TFDP2: variants seen among roughly 807,000 people sequenced by gnomAD.
TFDP2 encodes transcription factor Dp-2, also known as transcription factor Dp-2 (E2F dimerization partner 2).
TFDP2 carries 17 observed loss-of-function variants against 59.3 expected under a neutral mutation model. That is an observed-to-expected ratio of 0.29 (90% CI 0.20 to 0.43). TFDP2 has a LOEUF of 0.43. TFDP2 is among the 20% of genes least tolerant of loss of function. The probability of loss-of-function intolerance (pLI) is 1.00; values close to 1 mark genes in which losing one functional copy is unlikely to be tolerated. For synonymous variants in TFDP2, 180 were observed against 194.7 expected, an observed-to-expected ratio of 0.92 and a Z score of 0.63; for missense variants, 391 against 528.8, an observed-to-expected ratio of 0.74 and a Z score of 2.56.
chr3:142,095,505 CA>C (rs913848057), intron 2 of TFDP2, among the ~76,000 whole-genome samples: 56 of 152,292 alleles, frequency 3.7e-4, no homozygotes, highest in African/African-American at 1.3e-3. Context: ...AATCTATCAT[CA>C]TCAAATTTTT....
At chr3:141,989,929 G>A (rs988468720) in intron 6 of TFDP2, among the ~76,000 whole-genome samples, 6 of 150,474 alleles carry the variant, frequency 4.0e-5, no homozygotes, top group Non-Finnish European at 7.4e-5. Flanking sequence ...AGTCTCCCTC[G>A]GTCACCGGGG....
intron 6 of TFDP2, among the ~76,000 whole-genome samples, chr3:141,984,890 C>T (rs921349681): frequency 5.9e-5 from 9 of 152,134 alleles, no homozygotes; most frequent in Non-Finnish European, 1.3e-4. Context: ...CTGAGCAAAA[C>T]TAATACAAAC....
chr3:141,991,800 T>C (rs991753954), intron 6 of TFDP2, among the ~76,000 whole-genome samples: 2 of 151,830 alleles, frequency 1.3e-5, no homozygotes, highest in Non-Finnish European at 2.9e-5. Context: ...CCCAGCAATT[T>C]GGGAGGCCAA....
chr3:141,975,652 C>T (rs1410016633), intron 7 of TFDP2, among the ~76,000 whole-genome samples: 1 of 149,908 alleles, frequency 6.7e-6, no homozygotes, highest in Non-Finnish European at 1.5e-5. Context: ...CAAGATTGAG[C>T]CACTGCACTC....
At chr3:142,016,362 G>A (rs996692948) in intron 3 of TFDP2, among the ~76,000 whole-genome samples, 7 of 146,312 alleles carry the variant, frequency 4.8e-5, no homozygotes, top group African/African-American at 7.7e-5. Context: ...GCAGTGGTGC[G>A]ATCTCAGCTC....
intron 2 of TFDP2, among the ~76,000 whole-genome samples, chr3:142,098,006 T>G (rs2061215797): frequency 6.6e-6 from 1 of 152,290 alleles, no homozygotes; most frequent in Non-Finnish European, 1.5e-5. Context: ...TTGGCCAGGC[T>G]GGTCTCGAAC....
chr3:141,973,007 T>TATA (rs1366580588), intron 8 of TFDP2, among the ~76,000 whole-genome samples: 1 of 150,246 alleles, frequency 6.7e-6, no homozygotes, highest in South Asian at 2.1e-4. Context: ...CATCCATAAG[T>TATA]ATAATAATAC....
chr3:141,957,711 A>G (rs1228898878), intron 11 of TFDP2, among the ~76,000 whole-genome samples: 1 of 152,226 alleles, frequency 6.6e-6, no homozygotes, highest in Non-Finnish European at 1.5e-5. Flanking sequence ...GAAGCTATCC[A>G]CAAAATGCCC....
At chr3:142,139,601 G>A (rs949677299) in intron 1 of TFDP2, among the ~76,000 whole-genome samples, 1 of 152,102 alleles carries the variant, frequency 6.6e-6, no homozygotes, top group East Asian at 1.9e-4. Flanking sequence ...GTCTATAAAG[G>A]ATTTTATTTC....
intron 3 of TFDP2, among the ~76,000 whole-genome samples, chr3:142,083,685 C>A (rs989804873): frequency 6.6e-6 from 1 of 152,000 alleles, no homozygotes; most frequent in Non-Finnish European, 1.5e-5. Context: ...AATAGAGAAC[C>A]CAGAAATAAA....
intron 5 of TFDP2, 140 bp from the exon 6 acceptor site, chr3:141,993,725 CATAAA>C (rs1305083355): frequency 3.8e-5 from 18 of 469,610 alleles, no homozygotes; most frequent in Admixed American, 1.7e-4. Flanking sequence ...AAGATAGGTA[CATAAA>C]ATAAATCTTA....
intron 3 of TFDP2, among the ~76,000 whole-genome samples, chr3:142,027,827 G>A (rs1351726451): frequency 2.0e-5 from 3 of 152,044 alleles, no homozygotes; most frequent in Non-Finnish European, 4.4e-5. Context: ...CATCTTGTAT[G>A]CTATATTTTC....
intron 3 of TFDP2, among the ~76,000 whole-genome samples, chr3:142,063,936 C>T (rs2059995600): frequency 6.6e-6 from 1 of 151,952 alleles, no homozygotes; most frequent in African/African-American, 2.4e-5. Context: ...TACCATATAC[C>T]AGTAGTTTTT....
chr3:142,002,528 T>C (rs1299213262), intron 4 of TFDP2, among the ~76,000 whole-genome samples: 2 of 152,150 alleles, frequency 1.3e-5, no homozygotes, highest in South Asian at 4.1e-4. Flanking sequence ...TCCTATCTGA[T>C]ACCTCATTAT....
chr3:142,039,274 A>T (rs1486772715), intron 3 of TFDP2, among the ~76,000 whole-genome samples: 1 of 151,848 alleles, frequency 6.6e-6, no homozygotes. Flanking sequence ...GCCAATATTT[A>T]TTTTTTTATT....
At chr3:142,022,663 C>T (rs1172440708) in intron 3 of TFDP2, among the ~76,000 whole-genome samples, 1 of 152,146 alleles carries the variant, frequency 6.6e-6, no homozygotes, top group East Asian at 1.9e-4. Flanking sequence ...ACTCAAATAC[C>T]CAAGAGTACT....
chr3:141,980,921 T>C (rs1941420326), intron 6 of TFDP2, among the ~76,000 whole-genome samples: 1 of 152,202 alleles, frequency 6.6e-6, no homozygotes, highest in Admixed American at 6.5e-5. Flanking sequence ...AAAAAATTTA[T>C]AGTAAGCTAA....
chr3:141,989,805 C>T (rs1942545326), intron 6 of TFDP2, among the ~76,000 whole-genome samples: 1 of 152,008 alleles, frequency 6.6e-6, no homozygotes, highest in African/African-American at 2.4e-5. Context: ...ATTATAATAA[C>T]ACTAGCTTTC....
chr3:142,100,144 T>C (rs2061276358), intron 2 of TFDP2, among the ~76,000 whole-genome samples: 1 of 152,264 alleles, frequency 6.6e-6, no homozygotes, highest in Admixed American at 6.5e-5. Context: ...ATTGTTCGGC[T>C]GCATAATGGG....
Sources: allele counts gnomAD v4.1 joint callset (sites outside exome capture counted in the v4.1 genomes callset), GRCh38; gene constraint gnomAD v4.1.1; transcripts MANE v1.5; gene names NCBI Gene and HGNC (gene_info 2026-07-23, HGNC 2026-07-21).